NEK5: variants seen among roughly 807,000 people sequenced by gnomAD.
The protein encoded by NEK5 is NIMA related kinase 5.
NEK5 carries 88 observed loss-of-function variants against 109.2 expected under a neutral mutation model. The ratio of observed to expected loss-of-function variants is 0.81; its 90% confidence interval spans 0.68 to 0.96. The LOEUF (loss-of-function observed/expected upper bound fraction) is 0.96, where lower values mean the gene tolerates loss of function less well. Ranked by LOEUF, NEK5 falls within the 40% of genes least tolerant of loss-of-function variation. NEK5 has a pLI of 0.00. For missense variants in NEK5, 834 were observed against 920.7 expected (o/e 0.91, Z 1.22); for synonymous variants, 283 against 299.9 (o/e 0.94, Z 0.58).
chr13:52,113,649 G>A (rs1955798145), intron 4 of NEK5, among the ~76,000 whole-genome samples: 1 of 150,246 alleles, frequency 6.7e-6, no homozygotes, highest in East Asian at 1.9e-4. Flanking sequence ...TTTTTTCCTG[G>A]CCATTTCCAC....
At chr13:52,075,625 G>T in intron 19 of NEK5, 133 bp downstream of exon 19, 1 of 641,982 alleles carries the variant, frequency 1.6e-6, no homozygotes, top group South Asian at 1.9e-5. Context: ...ACCTGCACAT[G>T]TACCACCTGA....
chr13:52,043,499 T>C (rs1328335093), intron 23 of NEK5, among the ~76,000 whole-genome samples: 3 of 136,746 alleles, frequency 2.2e-5, no homozygotes, highest in African/African-American at 2.8e-5. Context: ...ATCACACCAC[T>C]GCACTCCAAC....
chr13:52,073,927 G>T (rs1034510804), intron 19 of NEK5, among the ~76,000 whole-genome samples: 1 of 152,076 alleles, frequency 6.6e-6, no homozygotes, highest in Non-Finnish European at 1.5e-5. Flanking sequence ...AACCAAGGAG[G>T]TGAAAGATCT....
At chr13:52,087,652 G>A (rs114461499) in intron 14 of NEK5, among the ~76,000 whole-genome samples, 198 bp from the exon 15 acceptor site, 2,511 of 152,094 alleles carry the variant, frequency 0.017, 55 homozygotes, top group African/African-American at 0.057. Flanking sequence ...GTTTGAGAGC[G>A]TCTCACTCTG....
chr13:52,127,232 G>C (rs1956081721), intron 3 of NEK5, 134 bp downstream of exon 3: 1 of 597,514 alleles, frequency 1.7e-6, no homozygotes, highest in South Asian at 2.0e-5. Context: ...ATGGACTTAG[G>C]AGGTTGAATT....
chr13:52,113,119 G>GT (rs1052532778), intron 4 of NEK5, among the ~76,000 whole-genome samples: 3 of 151,592 alleles, frequency 2.0e-5, no homozygotes, highest in African/African-American at 2.4e-5. Flanking sequence ...AAAGTGAGTA[G>GT]TTTTTAAAAA....
At chr13:52,122,266 T>A (rs1477640659) in intron 3 of NEK5, among the ~76,000 whole-genome samples, 3 of 152,172 alleles carry the variant, frequency 2.0e-5, no homozygotes, top group Non-Finnish European at 4.4e-5. Flanking sequence ...AGCTACCTTT[T>A]AAGTGGTTGT....
chr13:52,082,256 G>A lies in NEK5; in HGVS notation c.1572+1004C>T, dbSNP rs192364063. 3.1e-3 allele frequency: 1,388 copies of A among 452,124 alleles called. 46 individuals are homozygous for A. The Admixed American group carries it at 0.052, about 17-fold the overall frequency. 28.0% of individuals were successfully genotyped at this position (452,124 alleles called of 1,614,324 possible). Reference sequence around the variant, plus strand: ...CTTGAACCTGGGAGGCGGAGGTTGCGGTGAGCCAAGATCGTGCCATTGCAC... The same window carrying A: ...CTTGAACCTGGGAGGCGGAGGTTGCAGTGAGCCAAGATCGTGCCATTGCAC... On this transcript the variant is annotated intron_variant, in intron 17 of 23. Transcript: ENST00000684899.
At chr13:52,081,334 G>A (rs2137858355) in intron 17 of NEK5, among the ~76,000 whole-genome samples, 1 of 152,272 alleles carries the variant, frequency 6.6e-6, no homozygotes, top group Admixed American at 6.5e-5. Context: ...GGATTGCTCT[G>A]GAGGAGCCTT....
intron 4 of NEK5, among the ~76,000 whole-genome samples, chr13:52,118,100 T>C (rs1017098661): frequency 6.6e-6 from 1 of 152,186 alleles, no homozygotes; most frequent in African/African-American, 2.4e-5. Context: ...CACACAGAAG[T>C]ACCTTGAATG....
At chr13:52,112,182 C>T in intron 5 of NEK5, 86 bp downstream of exon 5, 1 of 641,110 alleles carries the variant, frequency 1.6e-6, no homozygotes, top group Non-Finnish European at 2.7e-6. Flanking sequence ...TTTATATCAA[C>T]ATAGTCTACT....
At chr13:52,047,644 G>C (rs1448862270) in intron 23 of NEK5, among the ~76,000 whole-genome samples, 1 of 151,912 alleles carries the variant, frequency 6.6e-6, no homozygotes, top group Admixed American at 6.6e-5. Flanking sequence ...AGTTCAAGAT[G>C]AGCCTGGGCA....
At chr13:52,083,684 G>A (rs911973057) in intron 16 of NEK5, among the ~76,000 whole-genome samples, 1 of 151,984 alleles carries the variant, frequency 6.6e-6, no homozygotes, top group Non-Finnish European at 1.5e-5. Flanking sequence ...CTATAGGCAC[G>A]CACCACCACG....
chr13:52,114,274 C>T (rs1955808474), intron 4 of NEK5, among the ~76,000 whole-genome samples: 1 of 152,162 alleles, frequency 6.6e-6, no homozygotes, highest in Non-Finnish European at 1.5e-5. Context: ...AACATAAGCG[C>T]CAAAATCAGT....
intron 14 of NEK5, 77 bp downstream of exon 14, chr13:52,089,170 C>T (rs1593961941): frequency 2.1e-6 from 2 of 939,758 alleles, no homozygotes; most frequent in East Asian, 2.4e-5. Flanking sequence ...GTGGAATGAA[C>T]TTTGACTTGA....
rs138527476 is a variant in NEK5 at position 52,126,800 on chromosome 13, C to G, written c.117+566G>C. 8.9e-3 allele frequency among the ~76,000 whole-genome samples: 1,358 copies of G among 151,768 alleles called. 5 individuals carry two copies. Among genetic ancestry groups the G allele is most frequent in the Non-Finnish European group, 0.016 (1,060 of 67,924 alleles). Reference sequence around the variant, plus strand: ...TCTAAAAAAAGAAAAGAAAAGAAAACAAAAAAGAAACCAGGAACCAAGGTG... The same window carrying G: ...TCTAAAAAAAGAAAAGAAAAGAAAAGAAAAAAGAAACCAGGAACCAAGGTG... On this transcript the variant is annotated intron_variant, in intron 3 of 23. Coordinates refer to ENST00000684899, the MANE Select transcript of NEK5 (RefSeq NM_001365552.1).
At chr13:52,098,951 C>CT (rs2137983054) in intron 12 of NEK5, among the ~76,000 whole-genome samples, 1 of 152,180 alleles carries the variant, frequency 6.6e-6, no homozygotes, top group South Asian at 2.1e-4. Context: ...TATACCATAG[C>CT]TTAATGGGTT....
Position 52,127,466 on chromosome 13 carries a change from A to C in NEK5, c.17T>G (p.Val6Gly). The C allele has an allele frequency of 6.2e-7, 1 of 1,603,262 alleles. No individual in the cohort carries two copies. The highest frequency in any genetic ancestry group is 8.5e-7 in the Non-Finnish European group (1 of 1,170,276). Residue 6 changes from valine to glycine, a missense_variant, in exon 3 of 24, where the codon GTG becomes GGG. Val to Gly is a moderately radical substitution (Grantham distance 109). Around this residue, in one of 2 missense-constraint regions of NEK5, gnomAD observed 777 missense variants for 824.7 expected, o/e 0.94. Transcript: ENST00000684899. MDKYD[V>G]IKAIGQGAFG... ...GGCACCTTGCCCGATGGCCTTAATCACATCGTACTTATCCATGGTCTCCAA... is the reference window on the plus strand; with the variant it reads ...GGCACCTTGCCCGATGGCCTTAATCCCATCGTACTTATCCATGGTCTCCAA...
At chr13:52,077,561 T>C (rs1172500322) in intron 17 of NEK5, among the ~76,000 whole-genome samples, 1 of 151,936 alleles carries the variant, frequency 6.6e-6, no homozygotes, top group Non-Finnish European at 1.5e-5. Flanking sequence ...GGTATTAAGG[T>C]GCTAGAGTCT....
Sources: allele counts gnomAD v4.1 joint callset (sites outside exome capture counted in the v4.1 genomes callset), GRCh38; gene constraint gnomAD v4.1.1; regional missense constraint gnomAD v4.1.1; transcripts MANE v1.5; gene names NCBI Gene and HGNC (gene_info 2026-07-23, HGNC 2026-07-21).